The following EDA variants were observed in gnomAD, a reference collection of about 807,000 sequenced individuals.
EDA encodes ectodysplasin-A.
Under a neutral mutation model 23.6 loss-of-function variants are expected in EDA, and 2 were observed. That is an observed-to-expected ratio of 0.08 (90% CI 0.03 to 0.27). The LOEUF (loss-of-function observed/expected upper bound fraction) is 0.27, where lower values mean the gene tolerates loss of function less well. Ranked by LOEUF, EDA falls within the 10% of genes least tolerant of loss-of-function variation. The pLI is 1.00. For missense variants in EDA, 229 were observed against 324.2 expected (o/e 0.71, Z 2.26); for synonymous variants, 131 against 132.0 (o/e 0.99, Z 0.05).
At chrX:69,839,662 G>A (rs1388519500) in intron 1 of EDA, among the ~76,000 whole-genome samples, 1 of 112,098 alleles carries the variant, frequency 8.9e-6, no homozygotes, top group African/African-American at 3.2e-5. Context: ...CCTCTGTTCA[G>A]TATTCCACAA....
At chrX:69,732,330 T>C (rs777148194) in intron 1 of EDA, among the ~76,000 whole-genome samples, 22 of 111,667 alleles carry the variant, frequency 2.0e-4, no homozygotes, top group African/African-American at 7.2e-4. Context: ...AATTCCCACC[T>C]ATGAGTGAGT....
At chrX:69,661,613 C>T (rs1933510396) in intron 1 of EDA, among the ~76,000 whole-genome samples, 1 of 110,930 alleles carries the variant, frequency 9.0e-6, no homozygotes, top group Non-Finnish European at 1.9e-5. Flanking sequence ...AATCCTTTAC[C>T]CATTTCTTGT....
chrX:69,742,891 T>C (rs1317265579), intron 1 of EDA: 1 of 111,603 alleles, frequency 9.0e-6, no homozygotes, highest in Non-Finnish European at 1.9e-5. Context: ...ATATTTTTTA[T>C]GGCTTTCCAG....
At chrX:69,966,573 C>CAA (rs751957411) in intron 2 of EDA, among the ~76,000 whole-genome samples, 2 of 44,094 alleles carry the variant, frequency 4.5e-5, no homozygotes, top group Admixed American at 3.1e-4. Context: ...GACTCCATCT[C>CAA]AAAAAAAAAA....
chrX:69,718,289 A>G (rs1371318696), intron 1 of EDA, among the ~76,000 whole-genome samples: 1 of 110,849 alleles, frequency 9.0e-6, no homozygotes, highest in Non-Finnish European at 1.9e-5. Context: ...TCTAACCTGT[A>G]TGCCTTTTTT....
rs190648285 is a variant in EDA at position 70,023,171 on chromosome X, T to A, written c.503-47T>A. The A allele has an allele frequency of 1.2e-5, 11 of 891,890 alleles. No homozygotes were observed. In the East Asian group the frequency reaches 2.2e-4, roughly 18 times the overall value. The allele number at this position is 891,890 out of a possible 1,213,427, so 73.5% of individuals were successfully genotyped here. Reference sequence around the variant, plus strand: ...TGACTATCTTAGAAAATAAACATTTTCTGTTCATTTCCAATGACTTAATTA... The same window carrying A: ...TGACTATCTTAGAAAATAAACATTTACTGTTCATTTCCAATGACTTAATTA... On this transcript the variant is annotated intron_variant, in intron 2 of 7. Transcript: ENST00000374552.
At chrX:69,907,984 A>G (rs917943565) in intron 1 of EDA, among the ~76,000 whole-genome samples, 1 of 111,874 alleles carries the variant, frequency 8.9e-6, no homozygotes, top group Non-Finnish European at 1.9e-5. Flanking sequence ...CATAAAGGGT[A>G]AATTCCAAAA....
At chrX:69,968,915 G>A (rs1022875444) in intron 2 of EDA, among the ~76,000 whole-genome samples, 3 of 112,351 alleles carry the variant, frequency 2.7e-5, no homozygotes, top group Non-Finnish European at 3.8e-5. Context: ...AAATGGTGAA[G>A]TACCAAGGAC....
At chrX:69,766,727 A>G (rs1038509312) in intron 1 of EDA, among the ~76,000 whole-genome samples, 3 of 112,031 alleles carry the variant, frequency 2.7e-5, no homozygotes, top group Admixed American at 9.5e-5. Flanking sequence ...TGTCTTTGCC[A>G]TTGTGAATAG....
chrX:70,000,171 G>A (rs1239963936), intron 2 of EDA, among the ~76,000 whole-genome samples: 1 of 112,149 alleles, frequency 8.9e-6, no homozygotes, highest in East Asian at 2.8e-4. Context: ...TTGGGAATAA[G>A]ACAAAGATGC....
At chrX:69,770,822 A>T (rs2014611696) in intron 1 of EDA, among the ~76,000 whole-genome samples, 1 of 109,067 alleles carries the variant, frequency 9.2e-6, no homozygotes, top group Non-Finnish European at 1.9e-5. Flanking sequence ...ATTTGCTCAT[A>T]TTTTTTTTCT....
At chrX:69,727,534 C>T (rs1254835381) in intron 1 of EDA, among the ~76,000 whole-genome samples, 2 of 112,265 alleles carry the variant, frequency 1.8e-5, no homozygotes, top group Non-Finnish European at 3.8e-5. Context: ...TATAAGGGAA[C>T]TAATTCCATT....
chrX:69,821,317 A>T (rs2147517322), intron 1 of EDA, among the ~76,000 whole-genome samples: 1 of 109,988 alleles, frequency 9.1e-6, no homozygotes, highest in East Asian at 2.9e-4. Context: ...GGGTTATGGG[A>T]TGATCTGTGC....
chrX:69,789,407 A>G (rs1023235597), intron 1 of EDA, among the ~76,000 whole-genome samples: 5 of 112,421 alleles, frequency 4.4e-5, no homozygotes, highest in Admixed American at 9.4e-5. Context: ...ATAACCTAAC[A>G]AAAGGATTTA....
intron 1 of EDA, among the ~76,000 whole-genome samples, chrX:69,834,190 G>T (rs1304076246): frequency 9.0e-6 from 1 of 110,620 alleles, no homozygotes; most frequent in Non-Finnish European, 1.9e-5. Flanking sequence ...GTTGATTTGG[G>T]GTGGAGAGTT....
intron 1 of EDA, among the ~76,000 whole-genome samples, chrX:69,625,479 T>C (rs1034789897): frequency 1.8e-5 from 2 of 111,017 alleles, no homozygotes; most frequent in Non-Finnish European, 3.8e-5. Flanking sequence ...AGGACAGGCA[T>C]ATATATCAAT....
chrX:69,648,509 C>A (rs1932992916), intron 1 of EDA, among the ~76,000 whole-genome samples: 1 of 112,499 alleles, frequency 8.9e-6, no homozygotes, highest in South Asian at 3.7e-4. Context: ...TGTGGGGAAC[C>A]CTTCCCCATC....
At chrX:69,675,593 T>G (rs1346767306) in intron 1 of EDA, among the ~76,000 whole-genome samples, 1 of 111,219 alleles carries the variant, frequency 9.0e-6, no homozygotes, top group African/African-American at 3.3e-5. Context: ...TCAAATTTTT[T>G]TTCTTAATTG....
chrX:69,762,608 T>TC (rs1010043078), intron 1 of EDA, among the ~76,000 whole-genome samples: 1 of 111,878 alleles, frequency 8.9e-6, no homozygotes, highest in Admixed American at 9.5e-5. Flanking sequence ...TCAGCCCATG[T>TC]CCAAATAGAA....
Sources: gnomAD v4.1 joint callset for allele counts (sites outside exome capture counted in the v4.1 genomes callset) on GRCh38, gnomAD v4.1.1 for gene constraint, MANE v1.5 for transcripts, NCBI Gene and HGNC (gene_info 2026-07-23, HGNC 2026-07-21) for gene names.